UBA3: variants seen among roughly 807,000 people sequenced by gnomAD.
UBA3 encodes the protein NEDD8-activating enzyme E1 catalytic subunit.
Under a neutral mutation model 73.5 loss-of-function variants are expected in UBA3, and 26 were observed. The observed-to-expected ratio is 0.35, with a 90% CI of 0.26 to 0.49. UBA3 has a LOEUF of 0.49. UBA3 is among the 20% of genes least tolerant of loss of function. UBA3 has a pLI of 0.98. For missense variants in UBA3, 495 were observed against 555.6 expected (o/e 0.89, Z 1.10); for synonymous variants, 217 against 191.2 (o/e 1.13, Z -1.11).
chr3:69,078,879 C>T (rs956960890), intron 2 of UBA3, among the ~76,000 whole-genome samples: 4 of 152,128 alleles, frequency 2.6e-5, no homozygotes, highest in Non-Finnish European at 4.4e-5. Flanking sequence ...CATCTACAAA[C>T]CTTTTAGAAC....
chr3:69,073,182 G>A (rs1575845275), intron 4 of UBA3, among the ~76,000 whole-genome samples: 1 of 152,234 alleles, frequency 6.6e-6, no homozygotes, highest in African/African-American at 2.4e-5. Flanking sequence ...CAGAGTAAAA[G>A]CGACAGCACT....
intron 2 of UBA3, chr3:69,079,713 T>G (rs2092201260): frequency 2.7e-5 from 6 of 225,344 alleles, no homozygotes. Flanking sequence ...TACTACTGTC[T>G]CAGTGTTTGC....
At chr3:69,063,645 G>C (rs1038361813) in intron 7 of UBA3, 142 bp from the exon 8 acceptor site, 1 of 693,068 alleles carries the variant, frequency 1.4e-6, no homozygotes, top group African/African-American at 1.9e-5. Flanking sequence ...GTGGGAACAG[G>C]AAGCTCTATG....
Position 69,077,937 on chromosome 3 carries a change from A to G in UBA3, c.63-19T>C. On this transcript the variant is annotated intron_variant, in intron 2 of 17. Coordinates refer to ENST00000361055, the MANE Select transcript of UBA3 (RefSeq NM_003968.4). ...AGCCATTCTGCACAGAACACAGTAAATTCAGCTGCAAAGATCAGTATGAAA... is the reference window on the plus strand; with the variant it reads ...AGCCATTCTGCACAGAACACAGTAAGTTCAGCTGCAAAGATCAGTATGAAA... 1 of 1,609,986 alleles carries G rather than the reference A, an allele frequency of 6.2e-7. No homozygotes were observed. The highest frequency in any genetic ancestry group is 1.7e-5 in the Admixed American group (1 of 58,814).
chr3:69,068,111 G>C, intron 5 of UBA3, 103 bp from the exon 6 acceptor site: 1 of 764,800 alleles, frequency 1.3e-6, no homozygotes, highest in Non-Finnish European at 1.9e-6. Flanking sequence ...TTTACTTATA[G>C]GAAATTTAGA....
intron 11 of UBA3, among the ~76,000 whole-genome samples, chr3:69,061,430 G>A (rs2092020363): frequency 6.6e-6 from 1 of 152,194 alleles, no homozygotes; most frequent in Non-Finnish European, 1.5e-5. Context: ...CCTGACCTCA[G>A]GTGATCCGCC....
chr3:69,067,878 G>GA (rs1559644692), intron 6 of UBA3, 50 bp downstream of exon 6: 1 of 1,403,202 alleles, frequency 7.1e-7, no homozygotes, highest in East Asian at 2.3e-5. Context: ...TTATAATAAA[G>GA]GAAAAAAGCT....
chr3:69,067,484 C>T (rs920450474), intron 6 of UBA3, among the ~76,000 whole-genome samples: 13 of 152,286 alleles, frequency 8.5e-5, no homozygotes, highest in African/African-American at 3.1e-4. Flanking sequence ...AGTGTAAATA[C>T]TCCTTTTTAA....
Position 69,056,946 on chromosome 3 carries a change from CTG to C in UBA3, c.965-133_965-132del, listed in dbSNP as rs1419704866. On this transcript the variant is annotated intron_variant, in intron 12 of 17. Coordinates refer to ENST00000361055, the MANE Select transcript of UBA3 (RefSeq NM_003968.4). ...AAATACATATTCCAATTTTTAAAAA[CTG>C]AGACAGTAACAAATTTTACATTGTT... 3 of 1,012,576 alleles carry C rather than the reference CTG, an allele frequency of 3.0e-6. No individual in the cohort carries two copies. The African/African-American group carries it at 5.0e-5, about 17-fold the overall frequency. The allele number at this position is 1,012,576 out of a possible 1,614,324, so 62.7% of individuals were successfully genotyped here. A position where few individuals can be genotyped will look rare whatever the true frequency, so the allele number is the denominator to read the frequency against.
chr3:69,080,364 G>A lies in UBA3; in HGVS notation c.-11C>T, dbSNP rs891430209. 1.3e-6 allele frequency: 2 copies of A among 1,598,272 alleles called. No individual in the cohort carries two copies. Among genetic ancestry groups the A allele is most frequent in the African/African-American group, 2.7e-5 (2 of 74,318 alleles). On this transcript the variant is annotated 5_prime_UTR_variant, in exon 1 of 18. Coordinates refer to ENST00000361055, the MANE Select transcript of UBA3 (RefSeq NM_003968.4). ...CTCGCCATCCGCCATATTGTTCTCC[G>A]CCTCTTCCCAGGTGCCCACGCGCGG...
rs765142275 is a variant in UBA3 at position 69,062,144 on chromosome 3, G to T, written c.729C>A (p.Pro243=). ...ACTCAATACAGTGTTCTGGTAGCCT[G>T]GGCATAGATGCAATGGTGCACATGG... ...NFPMCTIASM[P]RLPEHCIEYV... The change falls in exon 10 of 18, where the codon CCC becomes CCA. Residue 243 remains proline (P), a synonymous_variant. Coordinates refer to ENST00000361055, the MANE Select transcript of UBA3 (RefSeq NM_003968.4). 6 of 1,613,532 alleles carry T rather than the reference G, an allele frequency of 3.7e-6. No individual in the cohort carries two copies. Among genetic ancestry groups the T allele is most frequent in the Non-Finnish European group, 5.1e-6 (6 of 1,179,594 alleles).
At chr3:69,062,802 A>T (rs1427443234) in intron 9 of UBA3, among the ~76,000 whole-genome samples, 180 bp downstream of exon 9, 1 of 152,150 alleles carries the variant, frequency 6.6e-6, no homozygotes, top group Non-Finnish European at 1.5e-5. Flanking sequence ...AAAACAATGT[A>T]CTCGGTTCAT....
At chr3:69,070,975 A>T (rs1346639631) in intron 5 of UBA3, 4 of 152,460 alleles carry the variant, frequency 2.6e-5, no homozygotes. Context: ...ATCTTTAACA[A>T]ATCACTCCTT....
In UBA3 at chr3:69,068,538, T is replaced by C. The variant is rs576142164; in HGVS notation, c.348-530A>G. Reference sequence around the variant, plus strand: ...AAAAAAAATTTCACTGGACCGTATATAAAATGGAAAAAAAAAAAAAAAAGA... The same window carrying C: ...AAAAAAAATTTCACTGGACCGTATACAAAATGGAAAAAAAAAAAAAAAAGA... On this transcript the variant is annotated intron_variant, in intron 5 of 17. Coordinates refer to ENST00000361055, the MANE Select transcript of UBA3 (RefSeq NM_003968.4). Among the ~76,000 whole-genome samples the C allele has an allele frequency of 1.4e-3, 189 of 136,764 alleles. 2 individuals carry two copies. The highest frequency in any genetic ancestry group is 2.8e-3 in the Admixed American group (39 of 13,954). 89.7% of individuals were successfully genotyped at this position (136,764 alleles called of 152,430 possible).
intron 17 of UBA3, 37 bp from the exon 18 acceptor site, chr3:69,055,562 A>C (rs752516232): frequency 1.3e-6 from 2 of 1,489,482 alleles, no homozygotes; most frequent in Non-Finnish European, 1.8e-6. Context: ...CAAGCAAAAA[A>C]AACTCAACAG....
intron 3 of UBA3, chr3:69,076,639 C>T (rs2092169058): frequency 6.6e-6 from 1 of 152,070 alleles, no homozygotes; most frequent in Admixed American, 6.6e-5. Flanking sequence ...ATGATCAGAG[C>T]TCCCTGCAGC....
chr3:69,059,643 G>A (rs530263136), intron 11 of UBA3, among the ~76,000 whole-genome samples: 10 of 152,210 alleles, frequency 6.6e-5, no homozygotes, highest in South Asian at 2.1e-4. Context: ...AAGCAGGTCC[G>A]TGTAGGGAGA....
intron 17 of UBA3, 149 bp downstream of exon 17, chr3:69,055,702 T>A: frequency 1.1e-6 from 1 of 875,996 alleles, no homozygotes; most frequent in Non-Finnish European, 1.8e-6. Context: ...AAAGAGCAAT[T>A]AATTCTATTA....
chr3:69,079,990 C>A (rs2092204707), intron 2 of UBA3, 122 bp downstream of exon 2: 2 of 883,394 alleles, frequency 2.3e-6, no homozygotes, highest in East Asian at 5.5e-5. Flanking sequence ...TGAGGCAGCG[C>A]GGCCTGCGCT....
Sources: gnomAD v4.1 joint callset for allele counts (sites outside exome capture counted in the v4.1 genomes callset) on GRCh38, gnomAD v4.1.1 for gene constraint, MANE v1.5 for transcripts, NCBI Gene and HGNC (gene_info 2026-07-23, HGNC 2026-07-21) for gene names.